NRG1: variants seen among roughly 807,000 people sequenced by gnomAD.
NRG1 encodes the protein pro-neuregulin-1, membrane-bound isoform.
In NRG1, 18 loss-of-function variants were observed where a neutral mutation model predicts 63.8. The ratio of observed to expected loss-of-function variants is 0.28; its 90% confidence interval spans 0.19 to 0.42. The LOEUF is 0.42. Among genes scored for constraint, NRG1 ranks in the 10% least tolerant of loss-of-function variants. The probability of loss-of-function intolerance (pLI) is 1.00; values close to 1 mark genes in which losing one functional copy is unlikely to be tolerated. For synonymous variants in NRG1, 302 were observed against 301.3 expected (o/e 1.00, Z -0.02); for missense variants, 762 against 814.7 (o/e 0.94, Z 0.79).
chr8:31,662,388 A>C (rs1806079276), intron 1 of NRG1, among the ~76,000 whole-genome samples: 1 of 152,224 alleles, frequency 6.6e-6, no homozygotes, highest in Non-Finnish European at 1.5e-5. Context: ...TGAATGAAGG[A>C]CTGTGAAAAA....
chr8:32,221,025 A>G (rs978034600), intron 1 of NRG1: 5 of 152,228 alleles, frequency 3.3e-5, no homozygotes, highest in African/African-American at 1.2e-4. Flanking sequence ...GGGCTAGGCT[A>G]CAGTTGGTAG....
intron 2 of NRG1, among the ~76,000 whole-genome samples, chr8:32,605,264 C>T (rs1215429623): frequency 2.0e-5 from 3 of 151,950 alleles, no homozygotes; most frequent in Non-Finnish European, 4.4e-5. Context: ...TAAAGTATAA[C>T]ACAGTTATTG....
intron 1 of NRG1, among the ~76,000 whole-genome samples, chr8:31,719,841 AT>A (rs141147282): frequency 0.21 from 31,716 of 149,864 alleles, 3,733 homozygotes; most frequent in Non-Finnish European, 0.26. Flanking sequence ...TGGGATTATG[AT>A]TTTTTTTTTT....
intron 1 of NRG1, among the ~76,000 whole-genome samples, chr8:32,580,674 G>C (rs1044715098): frequency 6.6e-6 from 1 of 152,128 alleles, no homozygotes; most frequent in Non-Finnish European, 1.5e-5. Flanking sequence ...GGGTTTGTCT[G>C]ACCCAGGCTT....
intron 1 of NRG1, among the ~76,000 whole-genome samples, chr8:32,500,053 C>G (rs1244958034): frequency 1.3e-5 from 2 of 152,202 alleles, no homozygotes; most frequent in Admixed American, 6.5e-5. Context: ...TTTCTTTCTA[C>G]AATCACCCCC....
At chr8:32,456,182 G>A (rs1821573269) in intron 1 of NRG1, among the ~76,000 whole-genome samples, 1 of 152,136 alleles carries the variant, frequency 6.6e-6, no homozygotes, top group South Asian at 2.1e-4. Context: ...TCCCATGTAT[G>A]CACAACCGAA....
intron 1 of NRG1, among the ~76,000 whole-genome samples, chr8:32,152,511 T>C (rs1440159560): frequency 6.6e-6 from 1 of 152,214 alleles, no homozygotes; most frequent in Non-Finnish European, 1.5e-5. Context: ...AGACGATCAA[T>C]GATTATGAAA....
At chr8:32,116,598 T>C (rs1212763808) in intron 1 of NRG1, among the ~76,000 whole-genome samples, 1 of 152,120 alleles carries the variant, frequency 6.6e-6, no homozygotes, top group African/African-American at 2.4e-5. Flanking sequence ...AGTATGTTCC[T>C]CATAAGTGCC....
exon 12 of NRG1, chr8:32,767,129 C>G (rs1196362662): frequency 1.3e-5 from 2 of 152,214 alleles, no homozygotes; most frequent in Non-Finnish European, 2.9e-5. Flanking sequence ...CACTTTCTAT[C>G]TTACTTTCCC....
chr8:32,458,697 G>A (rs1178024642), intron 1 of NRG1, among the ~76,000 whole-genome samples: 1 of 152,164 alleles, frequency 6.6e-6, no homozygotes, highest in South Asian at 2.1e-4. Context: ...TCTCCCAGCA[G>A]TTATCTATGT....
At chr8:32,311,863 C>T (rs1420235614) in intron 1 of NRG1, among the ~76,000 whole-genome samples, 1 of 152,198 alleles carries the variant, frequency 6.6e-6, no homozygotes, top group Non-Finnish European at 1.5e-5. Context: ...CATATCAATT[C>T]AACACGCAGT....
intron 5 of NRG1, among the ~76,000 whole-genome samples, chr8:32,638,272 A>G (rs774891601): frequency 6.6e-6 from 1 of 152,216 alleles, no homozygotes; most frequent in Non-Finnish European, 1.5e-5. Flanking sequence ...TGTGTAACAA[A>G]CCTGCACGTT....
At chr8:31,811,826 A>G (rs1481636981) in intron 1 of NRG1, among the ~76,000 whole-genome samples, 1 of 152,192 alleles carries the variant, frequency 6.6e-6, no homozygotes, top group Non-Finnish European at 1.5e-5. Flanking sequence ...GAGGTGTCTT[A>G]TGCATTAATT....
chr8:32,321,764 G>A (rs1801417113), intron 1 of NRG1, among the ~76,000 whole-genome samples: 1 of 151,908 alleles, frequency 6.6e-6, no homozygotes, highest in African/African-American at 2.4e-5. Context: ...CCACAAAGTA[G>A]CTTTGCTTTT....
intron 1 of NRG1, among the ~76,000 whole-genome samples, chr8:32,479,852 G>A (rs1001776976): frequency 6.6e-6 from 1 of 152,028 alleles, no homozygotes; most frequent in African/African-American, 2.4e-5. Context: ...GTTTCACCAG[G>A]TTGGCCAGGA....
upstream of NRG1, among the ~76,000 whole-genome samples, chr8:32,543,399 T>A (rs546247352): frequency 1.4e-4 from 22 of 152,252 alleles, no homozygotes; most frequent in South Asian, 2.3e-3. Context: ...CTGAGGAGGA[T>A]AAATAATGCA....
At chr8:32,643,149 G>A (rs1475569113) in intron 5 of NRG1, among the ~76,000 whole-genome samples, 1 of 152,152 alleles carries the variant, frequency 6.6e-6, no homozygotes. Context: ...ATATTACCGT[G>A]TCTCTTCTTG....
intron 1 of NRG1, among the ~76,000 whole-genome samples, chr8:32,484,693 G>A (rs1825706163): frequency 6.6e-6 from 1 of 151,942 alleles, no homozygotes; most frequent in Non-Finnish European, 1.5e-5. Context: ...GCTTAGAAAA[G>A]GGGCTTTTTG....
chr8:32,737,413 T>A (rs1419049450), intron 6 of NRG1, among the ~76,000 whole-genome samples: 1 of 151,992 alleles, frequency 6.6e-6, no homozygotes, highest in Non-Finnish European at 1.5e-5. Context: ...TAGCTGGGCA[T>A]GGTGGTGCAT....
Sources: allele counts gnomAD v4.1 joint callset (sites outside exome capture counted in the v4.1 genomes callset), GRCh38; gene constraint gnomAD v4.1.1; transcripts MANE v1.5; gene names NCBI Gene and HGNC (gene_info 2026-07-23, HGNC 2026-07-21).